The following EPHB2 variants were observed in gnomAD, a reference collection of about 807,000 sequenced individuals.
The protein encoded by EPHB2 is ephrin type-B receptor 2.
In EPHB2, 18 loss-of-function variants were observed where a neutral mutation model predicts 96.4. The observed-to-expected ratio is 0.19, with a 90% CI of 0.13 to 0.28. The LOEUF is 0.28. Ranked by LOEUF, EPHB2 falls within the 10% of genes least tolerant of loss-of-function variation. The probability of loss-of-function intolerance (pLI) is 1.00; values close to 1 mark genes in which losing one functional copy is unlikely to be tolerated. For missense variants in EPHB2, 989 were observed against 1,355.4 expected (o/e 0.73, Z 4.25); for synonymous variants, 506 against 534.1 (o/e 0.95, Z 0.72).
chr1:22,913,532 C>G lies in EPHB2; in HGVS notation c.2923C>G (p.Arg975Gly), dbSNP rs372681830. ...AATCCTGAACAGTATCCAGGTGATG[C>G]GGGCGCAGATGAACCAGATTCAGTC... ...KKILNSIQVM[R>G]AQMNQIQSVE... Residue 975 changes from arginine (R) to glycine (G), a missense_variant, in exon 16 of 16, where the codon CGG (arginine) becomes GGG (glycine). By Grantham distance (125) the Arg-to-Gly change is moderately radical. Transcript: ENST00000374630. This position sits in a 1 kb window ranked among gnomAD's most constrained non-coding sequence, Gnocchi z 4.1. The G allele has an allele frequency of 7.2e-5, 116 of 1,614,052 alleles. No homozygotes were observed. Among genetic ancestry groups the G allele is most frequent in the Non-Finnish European group, 9.0e-5 (106 of 1,180,050 alleles).
intron 3 of EPHB2, among the ~76,000 whole-genome samples, chr1:22,815,261 G>C (rs965078908): frequency 2.0e-5 from 3 of 152,170 alleles, no homozygotes; most frequent in Admixed American, 6.5e-5. Flanking sequence ...GATGGAAGGT[G>C]GGGGGTGGTT....
At chr1:22,764,543 C>T (rs987743517) in intron 1 of EPHB2, among the ~76,000 whole-genome samples, 14 of 151,986 alleles carry the variant, frequency 9.2e-5, no homozygotes, top group African/African-American at 1.9e-4. Context: ...GCCAGGAGTT[C>T]GAAACCAGCC....
At chr1:22,883,835 T>TCAC (rs1395066779) in intron 6 of EPHB2, among the ~76,000 whole-genome samples, 4 of 152,302 alleles carry the variant, frequency 2.6e-5, no homozygotes, top group African/African-American at 9.6e-5. Flanking sequence ...ACGTCTCCAT[T>TCAC]CACCACCTTC....
chr1:22,771,238 C>G (rs1255586293), intron 1 of EPHB2, among the ~76,000 whole-genome samples: 2 of 152,150 alleles, frequency 1.3e-5, no homozygotes, highest in Non-Finnish European at 2.9e-5. Flanking sequence ...AAGAAAGTTG[C>G]AGGACAAGGT....
In EPHB2 at chr1:22,918,007, G is replaced by A. The variant is rs2124173847; in HGVS notation, c.*4437G>A. On this transcript the variant is annotated 3_prime_UTR_variant, in exon 16 of 16. Coordinates refer to ENST00000374630, the MANE Select transcript of EPHB2 (RefSeq NM_017449.5). This position sits in a 1 kb window ranked among gnomAD's most constrained non-coding sequence, Gnocchi z 4.2. ...GGGGAAGTGAAGGTTGATATAAGTG[G>A]AGGTTGAGGCAGTTTAGGCGTGATG... The A allele has an allele frequency of 6.6e-6, 1 of 152,566 alleles. No homozygotes were observed. The highest frequency in any genetic ancestry group is 1.9e-4 in the East Asian group (1 of 5,184). The allele number at this position is 152,566 out of a possible 1,614,324, so 9.5% of individuals were successfully genotyped here.
In EPHB2 at chr1:22,839,165, C is replaced by T. The variant is rs149430467; in HGVS notation, c.812-23872C>T. ...CGAGGCAGACAGTACCAATCAATCACGATGCTCTTCCTGCCAACCCACATG... is the reference window on the plus strand; with the variant it reads ...CGAGGCAGACAGTACCAATCAATCATGATGCTCTTCCTGCCAACCCACATG... On this transcript the variant is annotated intron_variant, in intron 3 of 15. Coordinates refer to ENST00000374630, the MANE Select transcript of EPHB2 (RefSeq NM_017449.5). Among the ~76,000 whole-genome samples, 685 of 152,272 alleles carry T rather than the reference C, an allele frequency of 4.5e-3. 6 individuals are homozygous for T. Among genetic ancestry groups the T allele is most frequent in the Admixed American group, 8.7e-3 (133 of 15,300 alleles).
intron 1 of EPHB2, among the ~76,000 whole-genome samples, chr1:22,712,895 C>T (rs11803370): frequency 0.016 from 2,475 of 152,232 alleles, 78 homozygotes; most frequent in African/African-American, 0.055. Flanking sequence ...TTGCAGTCAG[C>T]GGTGCTGGAG....
At chr1:22,866,456 A>C (rs1198851002) in intron 5 of EPHB2, among the ~76,000 whole-genome samples, 1 of 152,004 alleles carries the variant, frequency 6.6e-6, no homozygotes, top group Non-Finnish European at 1.5e-5. Flanking sequence ...TTAGAGATGG[A>C]GTCTTGTATG....
chr1:22,735,935 G>T (rs1004407933), intron 1 of EPHB2, among the ~76,000 whole-genome samples: 1 of 152,138 alleles, frequency 6.6e-6, no homozygotes, highest in Non-Finnish European at 1.5e-5. Context: ...TTGTACAGTG[G>T]ATAAGAGTGT....
intron 3 of EPHB2, among the ~76,000 whole-genome samples, chr1:22,834,463 T>G (rs1320453327): frequency 6.6e-6 from 1 of 152,164 alleles, no homozygotes; most frequent in Non-Finnish European, 1.5e-5. Context: ...CATGTCAATT[T>G]GGGGACAGCA....
At chr1:22,853,299 G>C (rs1645651225) in intron 3 of EPHB2, among the ~76,000 whole-genome samples, 1 of 152,238 alleles carries the variant, frequency 6.6e-6, no homozygotes. Flanking sequence ...CTTGCAGTGA[G>C]CCAAGATCGC....
intron 9 of EPHB2, among the ~76,000 whole-genome samples, chr1:22,900,622 A>T (rs1221046769): frequency 1.3e-5 from 2 of 152,116 alleles, no homozygotes; most frequent in African/African-American, 4.8e-5. Context: ...TCCTGGAGCC[A>T]CTGGGGAGCA....
At chr1:22,851,650 T>G (rs1201362824) in intron 3 of EPHB2, among the ~76,000 whole-genome samples, 1 of 151,790 alleles carries the variant, frequency 6.6e-6, no homozygotes, top group Non-Finnish European at 1.5e-5. Context: ...GCCCAGAAGA[T>G]CGTGAAGATT....
At chr1:22,748,940 G>A (rs1644018819) in intron 1 of EPHB2, among the ~76,000 whole-genome samples, 1 of 150,656 alleles carries the variant, frequency 6.6e-6, no homozygotes, top group Admixed American at 6.6e-5. Context: ...AACCAACAAG[G>A]TAGGCTACAC....
chr1:22,818,373 C>T (rs12116772), intron 3 of EPHB2, among the ~76,000 whole-genome samples: 4,540 of 152,186 alleles, frequency 0.03, 166 homozygotes, highest in South Asian at 0.14. Context: ...CATGAACCAC[C>T]GCCCTGGCTC....
intron 3 of EPHB2, among the ~76,000 whole-genome samples, chr1:22,801,189 G>T (rs571457076): frequency 1.3e-5 from 2 of 152,206 alleles, no homozygotes; most frequent in African/African-American, 4.8e-5. Context: ...GATGTGAGTG[G>T]TGAAGCCCCT....
At chr1:22,865,349 C>T (rs1328061454) in intron 5 of EPHB2, 137 bp downstream of exon 5, 1 of 1,009,454 alleles carries the variant, frequency 9.9e-7, no homozygotes, top group Non-Finnish European at 1.5e-6. Flanking sequence ...GATCGGTCCA[C>T]CTGGGAGAGT....
chr1:22,863,593 G>A (rs1026910073), intron 4 of EPHB2, among the ~76,000 whole-genome samples: 18 of 152,222 alleles, frequency 1.2e-4, no homozygotes, highest in African/African-American at 3.9e-4. Context: ...GCCTGAGAAC[G>A]CAGCGTCACA....
At position 22,914,479 on chromosome 1, in the gene EPHB2, T is replaced by A. The variant is rs949485406; in HGVS notation, c.*909T>A. The A allele has an allele frequency of 6.5e-6, 1 of 152,820 alleles. No homozygotes were observed. Among genetic ancestry groups the A allele is most frequent in the Admixed American group, 6.5e-5 (1 of 15,282 alleles). 9.5% of individuals were successfully genotyped at this position (152,820 alleles called of 1,614,324 possible). A position where few individuals can be genotyped will look rare whatever the true frequency, so the allele number is the denominator to read the frequency against. ...GGTTTGTTTACAGCAATTCCTGGAC[T>A]CGGGGGTATTTTGGTCACAGGGTGG... On this transcript the variant is annotated 3_prime_UTR_variant, in exon 16 of 16. Transcript: ENST00000374630.
Sources: allele counts gnomAD v4.1 joint callset (sites outside exome capture counted in the v4.1 genomes callset), GRCh38; gene constraint gnomAD v4.1.1; non-coding constraint Gnocchi (gnomAD v3.1); transcripts MANE v1.5; gene names NCBI Gene and HGNC (gene_info 2026-07-23, HGNC 2026-07-21).